DPP10: variants seen among roughly 807,000 people sequenced by gnomAD.
The protein encoded by DPP10 is dipeptidyl peptidase like 10, also known as inactive dipeptidyl peptidase 10.
A neutral mutation model predicts 120.9 loss-of-function variants in DPP10; 33 were observed. The ratio of observed to expected loss-of-function variants is 0.27; its 90% confidence interval spans 0.21 to 0.37. The LOEUF is 0.37. Among genes scored for constraint, DPP10 ranks in the 10% least tolerant of loss-of-function variants. DPP10 has a pLI of 1.00. For missense variants in DPP10, 816 were observed against 942.8 expected (o/e 0.87, Z 1.76); for synonymous variants, 337 against 326.1 (o/e 1.03, Z -0.36).
In DPP10 at chr2:115,097,704, T is replaced by C. The variant is rs577261178; in HGVS notation, c.61-211535T>C. On this transcript the variant is annotated intron_variant, in intron 1 of 25. Coordinates refer to ENST00000410059, the MANE Select transcript of DPP10 (RefSeq NM_020868.6). Reference sequence around the variant, plus strand: ...GTTTGACTCTTCCTAGGATAGAATATAGAGGTATGATTAGGTAACCTTAAG... The same window carrying C: ...GTTTGACTCTTCCTAGGATAGAATACAGAGGTATGATTAGGTAACCTTAAG... 2.6e-5 allele frequency among the ~76,000 whole-genome samples: 4 copies of C among 152,328 alleles called. No individual in the cohort carries two copies. The South Asian group carries it at 8.3e-4, about 32-fold the overall frequency.
intron 1 of DPP10, among the ~76,000 whole-genome samples, chr2:115,230,354 A>G (rs13031722): frequency 0.067 from 10,245 of 152,028 alleles, 434 homozygotes; most frequent in East Asian, 0.2. Flanking sequence ...ATAAGATTAT[A>G]TCATCTGCAA....
At chr2:114,689,408 G>A (rs1020724234) in intron 1 of DPP10, among the ~76,000 whole-genome samples, 3 of 151,894 alleles carry the variant, frequency 2.0e-5, no homozygotes, top group Admixed American at 2.0e-4. Context: ...CAAAGGACAT[G>A]ATCTCATTCA....
intron 5 of DPP10, among the ~76,000 whole-genome samples, chr2:115,684,813 A>G (rs1003678634): frequency 6.6e-6 from 1 of 151,962 alleles, no homozygotes; most frequent in Non-Finnish European, 1.5e-5. Context: ...AGGAAAAGAC[A>G]ATTTACATTT....
At chr2:115,560,277 A>G (rs976918877) in intron 5 of DPP10, among the ~76,000 whole-genome samples, 1 of 140,968 alleles carries the variant, frequency 7.1e-6, no homozygotes, top group Non-Finnish European at 1.5e-5. Flanking sequence ...AGGCTGAGGC[A>G]GGAGAATGGC....
chr2:115,556,980 G>A (rs2080255541), intron 5 of DPP10, among the ~76,000 whole-genome samples: 2 of 152,196 alleles, frequency 1.3e-5, no homozygotes, highest in Middle Eastern at 3.4e-3. Flanking sequence ...CAAAACTCAA[G>A]ATTTGAACAA....
chr2:114,610,743 C>A (rs139083651), intron 1 of DPP10, among the ~76,000 whole-genome samples: 1 of 152,238 alleles, frequency 6.6e-6, no homozygotes, highest in East Asian at 1.9e-4. Flanking sequence ...TTTCTCCGGG[C>A]TCAGTCTCTG....
chr2:114,759,770 G>A (rs1680112150), intron 1 of DPP10, among the ~76,000 whole-genome samples: 1 of 138,454 alleles, frequency 7.2e-6, no homozygotes, highest in Non-Finnish European at 1.5e-5. Context: ...TATGCGATTA[G>A]ACAGAGCCTG....
At chr2:115,216,255 C>T (rs778375583) in intron 1 of DPP10, among the ~76,000 whole-genome samples, 7 of 152,018 alleles carry the variant, frequency 4.6e-5, no homozygotes, top group Admixed American at 6.6e-5. Flanking sequence ...CCCCACTACA[C>T]GATGTAACCC....
chr2:114,507,920 T>G (rs923316379), intron 1 of DPP10, among the ~76,000 whole-genome samples: 2 of 152,342 alleles, frequency 1.3e-5, no homozygotes, highest in East Asian at 3.9e-4. Context: ...TCCATAAGCA[T>G]AGTAATTGAT....
intron 1 of DPP10, among the ~76,000 whole-genome samples, chr2:114,724,142 T>C (rs1701889375): frequency 6.6e-6 from 1 of 152,164 alleles, no homozygotes; most frequent in Non-Finnish European, 1.5e-5. Context: ...CCCCTTTAAA[T>C]TATCAGGCCC....
At chr2:115,165,346 C>G (rs2052756572) in intron 1 of DPP10, among the ~76,000 whole-genome samples, 1 of 152,094 alleles carries the variant, frequency 6.6e-6, no homozygotes, top group Non-Finnish European at 1.5e-5. Context: ...AGGTCTGAAG[C>G]CTCAACTTTT....
At chr2:115,304,482 G>A (rs1033732586) in intron 1 of DPP10, among the ~76,000 whole-genome samples, 6 of 151,952 alleles carry the variant, frequency 3.9e-5, no homozygotes, top group Non-Finnish European at 7.4e-5. Context: ...ACAGGTGGTT[G>A]GAGAAAATCT....
chr2:114,709,415 C>A (rs1700884940), intron 1 of DPP10, among the ~76,000 whole-genome samples: 1 of 152,154 alleles, frequency 6.6e-6, no homozygotes. Flanking sequence ...TCTTAATTCC[C>A]TGTGTAAAAA....
chr2:115,193,512 G>A (rs1387751435), intron 1 of DPP10, among the ~76,000 whole-genome samples: 1 of 152,204 alleles, frequency 6.6e-6, no homozygotes, highest in Admixed American at 6.5e-5. Flanking sequence ...CAGGGCCATG[G>A]ACAATAGCTG....
Position 115,762,746 on chromosome 2 carries a change from A to G in DPP10, c.1113+136A>G. The G allele has an allele frequency of 4.0e-6, 4 of 1,004,070 alleles. No homozygotes were observed. In the Admixed American group the frequency reaches 8.7e-5, roughly 22 times the overall value. The allele number at this position is 1,004,070 out of a possible 1,614,324, so 62.2% of individuals were successfully genotyped here. A position where few individuals can be genotyped will look rare whatever the true frequency, so the allele number is the denominator to read the frequency against. ...GACAGAGTGATCCTTTTTCATTAAA[A>G]GGATCACTTATGACTTGGGCTTTCT... On this transcript the variant is annotated intron_variant, in intron 12 of 25. Transcript: ENST00000410059.
chr2:115,264,751 A>G (rs2059392004), intron 1 of DPP10, among the ~76,000 whole-genome samples: 2 of 152,240 alleles, frequency 1.3e-5, no homozygotes, highest in Admixed American at 1.3e-4. Flanking sequence ...TGTTTAAGAA[A>G]GATGATGCTG....
intron 1 of DPP10, among the ~76,000 whole-genome samples, chr2:114,851,106 A>G (rs144690632): frequency 1.3e-5 from 2 of 152,248 alleles, no homozygotes; most frequent in Admixed American, 6.5e-5. Flanking sequence ...TTTATTATAG[A>G]CAGGATAAAA....
chr2:114,893,005 G>T (rs2106633844), intron 1 of DPP10, among the ~76,000 whole-genome samples: 1 of 152,218 alleles, frequency 6.6e-6, no homozygotes, highest in Middle Eastern at 3.4e-3. Context: ...CGTATTCCAT[G>T]GACCACCAAT....
At chr2:115,580,467 A>G (rs1368639900) in intron 5 of DPP10, among the ~76,000 whole-genome samples, 4 of 151,144 alleles carry the variant, frequency 2.6e-5, no homozygotes, top group African/African-American at 9.7e-5. Flanking sequence ...TATCTTATTA[A>G]TCCACCCAAT....
Sources: allele counts gnomAD v4.1 joint callset (sites outside exome capture counted in the v4.1 genomes callset), GRCh38; gene constraint gnomAD v4.1.1; transcripts MANE v1.5; gene names NCBI Gene and HGNC (gene_info 2026-07-23, HGNC 2026-07-21).